The following NAALADL2 variants were observed in gnomAD, a reference collection of about 807,000 sequenced individuals.
The protein encoded by NAALADL2 is N-acetylated alpha-linked acidic dipeptidase like 2, also known as inactive N-acetylated-alpha-linked acidic dipeptidase-like protein 2.
Under a neutral mutation model 87.2 loss-of-function variants are expected in NAALADL2, and 76 were observed. The observed-to-expected ratio is 0.87, with a 90% CI of 0.72 to 1.05. NAALADL2 has a LOEUF of 1.05. NAALADL2 is among the 50% of genes least tolerant of loss of function. The probability of loss-of-function intolerance (pLI) is 0.00; values close to 1 mark genes in which losing one functional copy is unlikely to be tolerated. For missense variants in NAALADL2, 1,089 were observed against 945.8 expected, an observed-to-expected ratio of 1.15 and a Z score of -1.99; for synonymous variants, 354 against 331.0, an observed-to-expected ratio of 1.07 and a Z score of -0.75.
chr3:174,557,400 CAG>C (rs1439733825), intron 2 of NAALADL2, among the ~76,000 whole-genome samples: 23 of 152,168 alleles, frequency 1.5e-4, no homozygotes, highest in Admixed American at 1.2e-3. Context: ...TTTAATATCT[CAG>C]GGGTCTGTTA....
chr3:175,644,676 G>T (rs866241033), intron 11 of NAALADL2, among the ~76,000 whole-genome samples: 4 of 112,886 alleles, frequency 3.5e-5, no homozygotes, highest in Admixed American at 8.2e-5. Context: ...GATAGTTTGT[G>T]GTTCCTTATG....
chr3:175,153,713 G>C (rs1357900707), intron 2 of NAALADL2, among the ~76,000 whole-genome samples: 1 of 152,170 alleles, frequency 6.6e-6, no homozygotes, highest in Non-Finnish European at 1.5e-5. Context: ...AGCTATGTTA[G>C]TCTGGCCCAG....
intron 5 of NAALADL2, among the ~76,000 whole-genome samples, chr3:175,354,097 A>T (rs1195902930): frequency 6.6e-6 from 1 of 152,156 alleles, no homozygotes; most frequent in Non-Finnish European, 1.5e-5. Flanking sequence ...CTTTGCTCCC[A>T]GCCCTTATTT....
intron 9 of NAALADL2, among the ~76,000 whole-genome samples, chr3:175,567,356 A>G (rs564463933): frequency 6.6e-6 from 1 of 151,928 alleles, no homozygotes; most frequent in South Asian, 2.1e-4. Flanking sequence ...TAAAAATAAG[A>G]GCAAATATTT....
intron 5 of NAALADL2, among the ~76,000 whole-genome samples, chr3:175,421,474 C>T (rs1715683560): frequency 6.6e-6 from 1 of 152,072 alleles, no homozygotes; most frequent in African/African-American, 2.4e-5. Flanking sequence ...TTTCACCTAT[C>T]TACCTTCTTA....
intron 13 of NAALADL2, among the ~76,000 whole-genome samples, chr3:175,764,585 T>C (rs1748440822): frequency 6.6e-6 from 1 of 150,934 alleles, no homozygotes; most frequent in African/African-American, 2.4e-5. Flanking sequence ...AAAATAGCAA[T>C]GTAAATGTCA....
In NAALADL2 at chr3:174,459,948, AT is replaced by A. The variant is rs777706899; in HGVS notation, c.-184+18918del. Among the ~76,000 whole-genome samples the A allele has an allele frequency of 4.0e-4, 61 of 152,296 alleles. No individual in the cohort carries two copies. In the South Asian group the frequency reaches 4.6e-3, roughly 11 times the overall value. On this transcript the variant is annotated intron_variant, in intron 1 of 3. Transcript: ENST00000434257. ...GATTAAAAGGAAACCTACTTTATAG[AT>A]TATATGACTTTATGAGAACATAAAT...
rs529856238 is a variant in NAALADL2, at chr3:175,205,118, T to G, written c.546-28813T>G. 7.2e-5 allele frequency among the ~76,000 whole-genome samples: 11 copies of G among 152,240 alleles called. No homozygotes were observed. The South Asian group carries it at 1.9e-3, about 26-fold the overall frequency. ...GAAAAAAACACTTCTAAAATTCATA[T>G]GGAACCAAAAAAGTGTCCACATAGC... On this transcript the variant is annotated intron_variant, in intron 2 of 13. Transcript: ENST00000454872.
In NAALADL2 at chr3:174,546,081, A is replaced by G. The variant is rs541596495; in HGVS notation, c.-183-4488A>G. ...TACTAATTTTAAGAATGAAACACTA[A>G]GAGTTGATAACTATATGCTACCTGT... On this transcript the variant is annotated intron_variant, in intron 1 of 3. Transcript: ENST00000434257. Among the ~76,000 whole-genome samples, 3 of 152,006 alleles carry G rather than the reference A, an allele frequency of 2.0e-5. No individual in the cohort carries two copies. The South Asian group carries it at 6.2e-4, about 32-fold the overall frequency.
intron 4 of NAALADL2, among the ~76,000 whole-genome samples, chr3:175,297,743 A>T (rs913462912): frequency 2.6e-5 from 4 of 152,140 alleles, no homozygotes; most frequent in African/African-American, 9.7e-5. Context: ...TAACATACCC[A>T]CATGTAGACT....
intron 1 of NAALADL2, among the ~76,000 whole-genome samples, chr3:174,987,759 T>C (rs969685484): frequency 5.0e-4 from 72 of 145,378 alleles, no homozygotes; most frequent in African/African-American, 1.8e-3. Flanking sequence ...TCTGAGTAGC[T>C]AGGACCCCAG....
intron 5 of NAALADL2, among the ~76,000 whole-genome samples, chr3:175,352,818 A>G (rs1433746114): frequency 6.6e-6 from 1 of 152,082 alleles, no homozygotes; most frequent in Admixed American, 6.6e-5. Flanking sequence ...GGGTATGGGT[A>G]TGGGTGTGGG....
At chr3:175,375,935 T>A (rs994532040) in intron 5 of NAALADL2, among the ~76,000 whole-genome samples, 6 of 152,236 alleles carry the variant, frequency 3.9e-5, no homozygotes, top group South Asian at 4.1e-4. Flanking sequence ...CTACCCTCAG[T>A]GGTTGCTCTG....
chr3:175,384,332 T>C (rs1030389894), intron 5 of NAALADL2, among the ~76,000 whole-genome samples: 4 of 152,100 alleles, frequency 2.6e-5, no homozygotes, highest in Admixed American at 2.6e-4. Context: ...TAGATTTCAC[T>C]GATGACACAG....
chr3:175,796,141 G>A (rs1753464705), intron 13 of NAALADL2, among the ~76,000 whole-genome samples: 1 of 150,750 alleles, frequency 6.6e-6, no homozygotes, highest in Admixed American at 6.6e-5. Flanking sequence ...GAGAGAGAGA[G>A]AGAAGCAGCA....
intron 3 of NAALADL2, among the ~76,000 whole-genome samples, chr3:174,825,050 T>G (rs1721833709): frequency 6.6e-6 from 1 of 152,218 alleles, no homozygotes; most frequent in Non-Finnish European, 1.5e-5. Context: ...CCAAGTTTCT[T>G]TTTTTATCTC....
At chr3:175,091,270 T>C (rs755369303) in intron 1 of NAALADL2, among the ~76,000 whole-genome samples, 1 of 152,142 alleles carries the variant, frequency 6.6e-6, no homozygotes, top group Non-Finnish European at 1.5e-5. Flanking sequence ...CAAAGATGCA[T>C]AATGAATGTC....
chr3:175,126,894 T>C (rs1434101049), intron 2 of NAALADL2, among the ~76,000 whole-genome samples: 1 of 150,398 alleles, frequency 6.6e-6, no homozygotes, highest in African/African-American at 2.5e-5. Flanking sequence ...ACTAACATTC[T>C]AAAAATTGAA....
intron 12 of NAALADL2, among the ~76,000 whole-genome samples, chr3:175,749,730 A>C (rs1272827207): frequency 6.6e-6 from 1 of 152,196 alleles, no homozygotes; most frequent in African/African-American, 2.4e-5. Context: ...AGCATACATC[A>C]AGTTATTTAA....
Sources: allele counts gnomAD v4.1 joint callset (sites outside exome capture counted in the v4.1 genomes callset), GRCh38; gene constraint gnomAD v4.1.1; transcripts MANE v1.5; gene names NCBI Gene and HGNC (gene_info 2026-07-23, HGNC 2026-07-21).